Variants in PALS1 observed in about 807,000 individuals in gnomAD.
PALS1 encodes the protein protein associated with LIN7 1, MAGUK p55 family member.
A neutral mutation model predicts 78.9 loss-of-function variants in PALS1; 31 were observed. The observed-to-expected ratio is 0.39, with a 90% CI of 0.30 to 0.53. The LOEUF (loss-of-function observed/expected upper bound fraction) is 0.53, where lower values mean the gene tolerates loss of function less well. Among genes scored for constraint, PALS1 ranks in the 20% least tolerant of loss-of-function variants. The pLI, the probability that PALS1 is intolerant of heterozygous loss-of-function variation, is 0.67. For missense variants in PALS1, 704 were observed against 826.5 expected (o/e 0.85, Z 1.82); for synonymous variants, 276 against 270.9 (o/e 1.02, Z -0.18).
chr14:67,279,575 T>C (rs1488070508), intron 3 of PALS1, 38 bp downstream of exon 3: 1 of 1,496,578 alleles, frequency 6.7e-7, no homozygotes, highest in Admixed American at 2.4e-5. Context: ...AACATTTTGC[T>C]TTAATTTATC....
chr14:67,288,416 A>G (rs2084722955), intron 3 of PALS1, among the ~76,000 whole-genome samples: 1 of 152,094 alleles, frequency 6.6e-6, no homozygotes, highest in Non-Finnish European at 1.5e-5. Flanking sequence ...AAGACCTTGC[A>G]AGGCATGGCT....
At chr14:67,280,580 A>G (rs571269025) in intron 3 of PALS1, among the ~76,000 whole-genome samples, 10 of 152,308 alleles carry the variant, frequency 6.6e-5, no homozygotes, top group Admixed American at 1.3e-4. Flanking sequence ...TAAAGACACC[A>G]ATGGTAGAGC....
At chr14:67,281,333 G>GT in intron 3 of PALS1, among the ~76,000 whole-genome samples, 1 of 152,274 alleles carries the variant, frequency 6.6e-6, no homozygotes, top group Admixed American at 6.5e-5. Flanking sequence ...TCATAGTGAA[G>GT]TCTGCTAAAT....
chr14:67,258,805 A>G (rs944412361), intron 1 of PALS1, among the ~76,000 whole-genome samples: 10 of 152,070 alleles, frequency 6.6e-5, no homozygotes, highest in African/African-American at 2.4e-4. Context: ...TATTTGCTTT[A>G]ATCATTCTTT....
chr14:67,306,488 C>T (rs531543219), intron 8 of PALS1, among the ~76,000 whole-genome samples: 2 of 151,416 alleles, frequency 1.3e-5, no homozygotes, highest in South Asian at 2.1e-4. Flanking sequence ...GGATTACAGG[C>T]GCCCGCCACC....
chr14:67,280,841 T>C (rs867702986), intron 3 of PALS1, among the ~76,000 whole-genome samples: 3 of 129,934 alleles, frequency 2.3e-5, no homozygotes, highest in African/African-American at 3.4e-5. Context: ...CCTTCCTTCC[T>C]TCCTTCCTTC....
chr14:67,272,149 T>C (rs563623498), intron 2 of PALS1: 1 of 152,250 alleles, frequency 6.6e-6, no homozygotes, highest in Non-Finnish European at 1.5e-5. Flanking sequence ...AAATCACTCC[T>C]CTTTTTTAAA....
intron 9 of PALS1, 96 bp from the exon 10 acceptor site, chr14:67,316,736 A>C: frequency 4.5e-6 from 4 of 888,476 alleles, no homozygotes; most frequent in Non-Finnish European, 6.8e-6. Context: ...ATATAAGTGA[A>C]GAGATATGTC....
chr14:67,297,250 G>T (rs2084870002), intron 4 of PALS1, among the ~76,000 whole-genome samples: 1 of 152,186 alleles, frequency 6.6e-6, no homozygotes, highest in Non-Finnish European at 1.5e-5. Context: ...GTACCAGTCA[G>T]TGCAATAAAA....
rs2085502778 is a variant in PALS1 at position 67,334,652 on chromosome 14, A to AGAT, written c.*1697_*1699dup. 6.6e-6 allele frequency: 1 copy of AGAT among 152,526 alleles called. No homozygotes were observed. Among genetic ancestry groups the AGAT allele is most frequent in the African/African-American group, 2.4e-5 (1 of 41,438 alleles). 9.4% of individuals were successfully genotyped at this position (152,526 alleles called of 1,614,324 possible). A position where few individuals can be genotyped will look rare whatever the true frequency, so the allele number is the denominator to read the frequency against. ...AGTGTTTTATGTGGAAATATTTTCA[A>AGAT]GATAATGTTCCTTAGGAAGAAAATA... On this transcript the variant is annotated 3_prime_UTR_variant, in exon 15 of 15. Transcript: ENST00000261681.
At chr14:67,255,256 C>G (rs2084128900) in intron 1 of PALS1, among the ~76,000 whole-genome samples, 1 of 152,128 alleles carries the variant, frequency 6.6e-6, no homozygotes, top group Non-Finnish European at 1.5e-5. Context: ...AGAAAATCTG[C>G]ATGGAGTACA....
intron 3 of PALS1, among the ~76,000 whole-genome samples, chr14:67,283,482 A>G (rs1032913084): frequency 6.6e-6 from 1 of 152,186 alleles, no homozygotes; most frequent in Non-Finnish European, 1.5e-5. Flanking sequence ...ATGCCAGTAA[A>G]TCTTGAGTTT....
intron 2 of PALS1, among the ~76,000 whole-genome samples, chr14:67,274,183 A>G (rs2084460457): frequency 6.6e-6 from 1 of 152,164 alleles, no homozygotes; most frequent in East Asian, 1.9e-4. Flanking sequence ...TGTTTTAGTC[A>G]TGAAGTCCTT....
chr14:67,259,094 C>T (rs1471723564), intron 1 of PALS1, among the ~76,000 whole-genome samples: 1 of 151,796 alleles, frequency 6.6e-6, no homozygotes, highest in African/African-American at 2.4e-5. Flanking sequence ...CCGCCTGCCT[C>T]GGCTTCCCAA....
chr14:67,287,316 T>C (rs1333365308), intron 3 of PALS1, among the ~76,000 whole-genome samples: 13 of 151,870 alleles, frequency 8.6e-5, no homozygotes, highest in South Asian at 2.1e-4. Flanking sequence ...GTTTTTTTTT[T>C]CCATAAATAT....
chr14:67,323,267 A>G (rs369636365), intron 13 of PALS1, among the ~76,000 whole-genome samples: 7,365 of 133,190 alleles, frequency 0.055, 384 homozygotes, highest in African/African-American at 0.16. Flanking sequence ...GTGTGTATAT[A>G]TATATATGGC....
chr14:67,307,247 T>C (rs1166951811), intron 8 of PALS1, among the ~76,000 whole-genome samples: 3 of 152,054 alleles, frequency 2.0e-5, no homozygotes, highest in Admixed American at 6.5e-5. Flanking sequence ...TCGGCCTTTT[T>C]AAAAAAAGGA....
chr14:67,285,718 G>C (rs1018916293), intron 3 of PALS1, among the ~76,000 whole-genome samples: 5 of 151,986 alleles, frequency 3.3e-5, no homozygotes, highest in Non-Finnish European at 7.4e-5. Flanking sequence ...TCTTCCACAT[G>C]GTTACCCAGA....
At position 67,334,527 on chromosome 14, in the gene PALS1, GATTT is replaced by G. The variant is rs1330037824; in HGVS notation, c.*1572_*1575del. The G allele has an allele frequency of 6.6e-6, 1 of 152,444 alleles. No individual in the cohort carries two copies. Among genetic ancestry groups the G allele is most frequent in the Non-Finnish European group, 1.5e-5 (1 of 67,984 alleles). The allele number at this position is 152,444 out of a possible 1,614,324, so 9.4% of individuals were successfully genotyped here. On this transcript the variant is annotated 3_prime_UTR_variant, in exon 15 of 15. Transcript: ENST00000261681. The stretch of plus-strand genomic sequence containing the variant: ...ATTTGTGTCATGTACATATTTGATT[GATTT>G]TTTTTCTTCTACATAATTTTATTTG...
Sources: gnomAD v4.1 joint callset for allele counts (sites outside exome capture counted in the v4.1 genomes callset) on GRCh38, gnomAD v4.1.1 for gene constraint, MANE v1.5 for transcripts, NCBI Gene and HGNC (gene_info 2026-07-23, HGNC 2026-07-21) for gene names.